Variants in TAFA4 observed in about 807,000 individuals in gnomAD.
The protein encoded by TAFA4 is chemokine-like protein TAFA-4.
TAFA4 carries 20 observed loss-of-function variants against 21.1 expected under a neutral mutation model. The observed-to-expected ratio is 0.95, with a 90% CI of 0.67 to 1.38. The LOEUF (loss-of-function observed/expected upper bound fraction) is 1.38, where lower values mean the gene tolerates loss of function less well. Ranked by LOEUF, TAFA4 falls within the 40% of genes most tolerant of loss-of-function variation. TAFA4 has a pLI of 0.00. For synonymous variants in TAFA4, 71 were observed against 67.4 expected (o/e 1.05, Z -0.26); for missense variants, 211 against 180.9 (o/e 1.17, Z -0.95).
chr3:68,772,275 G>C (rs1404619338), intron 3 of TAFA4, among the ~76,000 whole-genome samples: 1 of 152,140 alleles, frequency 6.6e-6, no homozygotes, highest in Non-Finnish European at 1.5e-5. Flanking sequence ...GTTAATTTCA[G>C]GTGTCAACTG....
intron 3 of TAFA4, among the ~76,000 whole-genome samples, chr3:68,829,737 T>C (rs1349446926): frequency 6.6e-6 from 1 of 152,332 alleles, no homozygotes; most frequent in African/African-American, 2.4e-5. Context: ...CTTTTTCTAT[T>C]GATTGAAATA....
At chr3:68,740,215 C>T (rs547849170) in intron 4 of TAFA4, among the ~76,000 whole-genome samples, 2 of 152,248 alleles carry the variant, frequency 1.3e-5, no homozygotes, top group South Asian at 4.1e-4. Context: ...TGACTTTGAG[C>T]CAGTCACAAT....
intron 3 of TAFA4, among the ~76,000 whole-genome samples, chr3:68,759,448 G>T (rs1489959222): frequency 6.6e-6 from 1 of 152,154 alleles, no homozygotes; most frequent in Non-Finnish European, 1.5e-5. Context: ...AAGCTGAAAT[G>T]CAAGAAACTA....
At chr3:68,899,399 A>AT (rs1008015976) in intron 1 of TAFA4, among the ~76,000 whole-genome samples, 14 of 148,742 alleles carry the variant, frequency 9.4e-5, no homozygotes, top group Non-Finnish European at 1.2e-4. Context: ...TATACCCTGG[A>AT]TTTTTTTTTT....
At chr3:68,785,993 C>T (rs1703252486) in intron 3 of TAFA4, among the ~76,000 whole-genome samples, 1 of 152,194 alleles carries the variant, frequency 6.6e-6, no homozygotes, top group Non-Finnish European at 1.5e-5. Context: ...ACAATACCAA[C>T]AACTGGCAAC....
intron 1 of TAFA4, among the ~76,000 whole-genome samples, chr3:68,901,106 G>A (rs1044518742): frequency 1.3e-5 from 2 of 152,074 alleles, no homozygotes; most frequent in African/African-American, 4.8e-5. Context: ...GGTATGAGGT[G>A]GCCAGCTTTT....
At chr3:68,928,730 T>A (rs1306659106) in intron 1 of TAFA4, among the ~76,000 whole-genome samples, 1 of 152,206 alleles carries the variant, frequency 6.6e-6, no homozygotes, top group East Asian at 1.9e-4. Context: ...GTGGCCCTCC[T>A]CCGCAGAGAC....
intron 1 of TAFA4, among the ~76,000 whole-genome samples, chr3:68,890,862 G>T (rs2089723040): frequency 6.6e-6 from 1 of 152,138 alleles, no homozygotes; most frequent in Non-Finnish European, 1.5e-5. Flanking sequence ...TAGACAATTG[G>T]ACTGAATTTG....
At chr3:68,783,673 C>G (rs4855513) in intron 3 of TAFA4, among the ~76,000 whole-genome samples, 35,548 of 84,892 alleles carry the variant, frequency 0.42, 7,954 homozygotes, top group South Asian at 0.5. Flanking sequence ...CACACACACA[C>G]AGAGAGAGAG....
intron 3 of TAFA4, among the ~76,000 whole-genome samples, chr3:68,820,969 T>C (rs1704100961): frequency 6.6e-6 from 1 of 152,220 alleles, no homozygotes; most frequent in African/African-American, 2.4e-5. Flanking sequence ...ACTGTGTTTA[T>C]GCTGTACCAC....
chr3:68,739,174 C>T lies in TAFA4; in HGVS notation c.312G>A (p.Trp104Ter). ...CTTCCAAACACGGATTCATGTGACA[C>T]CACCATTTCTGAATCACAATGGAAG... ...VEASIVIQKW[W>*]CHMNPCLEGE... The change falls in exon 5 of 6, where the codon TGG (tryptophan) becomes TGA (stop). Residue 104 changes from tryptophan to a stop codon, truncating the protein, a stop_gained. Transcript: ENST00000295569. LOFTEE classifies it high-confidence loss of function. The T allele has an allele frequency of 6.2e-7, 1 of 1,613,762 alleles. No individual in the cohort carries two copies. Among genetic ancestry groups the T allele is most frequent in the South Asian group, 1.1e-5 (1 of 91,010 alleles).
At position 68,918,584 on chromosome 3, in the gene TAFA4, C is replaced by T. The variant is rs544148143; in HGVS notation, c.-123+13656G>A. Among the ~76,000 whole-genome samples, 173 of 152,332 alleles carry T rather than the reference C, an allele frequency of 1.1e-3. 2 individuals carry two copies. The highest frequency in any genetic ancestry group is 4.1e-3 in the African/African-American group (169 of 41,580). ...ACAGGGTCTTGCTCTGTCACCCAAG[C>T]GGGAATGCACTGGTGCAATCACGGG... On this transcript the variant is annotated intron_variant, in intron 1 of 5. Coordinates refer to ENST00000295569, the MANE Select transcript of TAFA4 (RefSeq NM_182522.5).
Position 68,860,085 on chromosome 3 carries a change from T to C in TAFA4, c.130+20645A>G, listed in dbSNP as rs943414383. On this transcript the variant is annotated intron_variant, in intron 3 of 5. Transcript: ENST00000295569. ...AACCTAAGATATTGTTAATTATAAC[T>C]GTCAAATTACAATTTGACAGAGTCA... Among the ~76,000 whole-genome samples the C allele has an allele frequency of 2.6e-4, 39 of 152,252 alleles. 1 individual carries two copies. The highest frequency in any genetic ancestry group is 9.4e-4 in the African/African-American group (39 of 41,566).
chr3:68,736,262 G>GAA (rs546124508), intron 5 of TAFA4, among the ~76,000 whole-genome samples: 2 of 144,666 alleles, frequency 1.4e-5, no homozygotes, highest in Non-Finnish European at 3.0e-5. Flanking sequence ...TTTCAATTAA[G>GAA]AAAAAAAAAA....
At chr3:68,872,930 A>T (rs1032104341) in intron 3 of TAFA4, among the ~76,000 whole-genome samples, 1 of 152,174 alleles carries the variant, frequency 6.6e-6, no homozygotes, top group African/African-American at 2.4e-5. Context: ...CTTCCAAAGC[A>T]CTTGACGATT....
At chr3:68,771,896 G>A (rs984987026) in intron 3 of TAFA4, among the ~76,000 whole-genome samples, 1 of 152,188 alleles carries the variant, frequency 6.6e-6, no homozygotes, top group African/African-American at 2.4e-5. Context: ...ACCTAATTGA[G>A]TATTGTGTAA....
intron 1 of TAFA4, among the ~76,000 whole-genome samples, chr3:68,905,467 C>T (rs549517520): frequency 1.2e-4 from 18 of 152,158 alleles, no homozygotes; most frequent in African/African-American, 2.7e-4. Flanking sequence ...TGCGCCCGGC[C>T]GGTCTCTGCT....
At chr3:68,886,079 T>C (rs1316495043) in intron 1 of TAFA4, among the ~76,000 whole-genome samples, 2 of 152,224 alleles carry the variant, frequency 1.3e-5, no homozygotes, top group African/African-American at 4.8e-5. Flanking sequence ...TGATATGTGT[T>C]AATAAATATT....
chr3:68,888,361 G>C (rs1421801709), intron 1 of TAFA4, among the ~76,000 whole-genome samples: 2 of 151,892 alleles, frequency 1.3e-5, no homozygotes, highest in African/African-American at 4.8e-5. Flanking sequence ...TCTCTAAGAA[G>C]TCTCAGACTT....
Sources: gnomAD v4.1 joint callset for allele counts (sites outside exome capture counted in the v4.1 genomes callset) on GRCh38, gnomAD v4.1.1 for gene constraint, MANE v1.5 for transcripts, NCBI Gene and HGNC (gene_info 2026-07-23, HGNC 2026-07-21) for gene names.